The following GABRB2 variants were observed in gnomAD, a reference collection of about 807,000 sequenced individuals.
GABRB2 encodes the protein gamma-aminobutyric acid receptor subunit beta-2.
Under a neutral mutation model 54.7 loss-of-function variants are expected in GABRB2, and 16 were observed. That is an observed-to-expected ratio of 0.29 (90% CI 0.20 to 0.44). GABRB2 has a LOEUF of 0.44. Among genes scored for constraint, GABRB2 ranks in the 20% least tolerant of loss-of-function variants. The pLI, the probability that GABRB2 is intolerant of heterozygous loss-of-function variation, is 1.00. For synonymous variants in GABRB2, 244 were observed against 233.8 expected (o/e 1.04, Z -0.40); for missense variants, 355 against 644.0 (o/e 0.55, Z 4.86).
chr5:161,383,669 C>G (rs1474332500), intron 5 of GABRB2, among the ~76,000 whole-genome samples: 3 of 152,140 alleles, frequency 2.0e-5, no homozygotes, highest in African/African-American at 7.2e-5. Flanking sequence ...AACAGTTGAA[C>G]ATTTCCATCA....
At chr5:161,519,100 A>T (rs1034520472) in intron 3 of GABRB2, among the ~76,000 whole-genome samples, 1 of 152,192 alleles carries the variant, frequency 6.6e-6, no homozygotes, top group Non-Finnish European at 1.5e-5. Flanking sequence ...AGAAAGGTTA[A>T]GTTTCATGTC....
At chr5:161,527,232 G>T (rs2113445803) in intron 3 of GABRB2, among the ~76,000 whole-genome samples, 1 of 151,426 alleles carries the variant, frequency 6.6e-6, no homozygotes, top group South Asian at 2.1e-4. Flanking sequence ...TTTCAAATTA[G>T]TAGTGAAAGG....
At chr5:161,296,246 G>T (rs541475332) in intron 9 of GABRB2, among the ~76,000 whole-genome samples, 1 of 152,178 alleles carries the variant, frequency 6.6e-6, no homozygotes, top group Non-Finnish European at 1.5e-5. Flanking sequence ...ATCCTTTACT[G>T]TTATTTCAAC....
At chr5:161,508,870 G>A (rs746324431) in intron 3 of GABRB2, among the ~76,000 whole-genome samples, 1 of 152,090 alleles carries the variant, frequency 6.6e-6, no homozygotes, top group Non-Finnish European at 1.5e-5. Context: ...GAATCATAAA[G>A]TGTTCTGCTA....
chr5:161,391,898 T>C (rs192047875), intron 5 of GABRB2, among the ~76,000 whole-genome samples: 99 of 152,298 alleles, frequency 6.5e-4, no homozygotes, highest in African/African-American at 2.3e-3. Flanking sequence ...GACTGACTGC[T>C]ATTATGTTCC....
chr5:161,544,191 A>T (rs552252670), intron 3 of GABRB2, among the ~76,000 whole-genome samples: 1 of 152,288 alleles, frequency 6.6e-6, no homozygotes, highest in South Asian at 2.1e-4. Context: ...TATATACTAT[A>T]CCCCTTTATT....
At chr5:161,339,847 AC>A (rs1293426390) in intron 5 of GABRB2, among the ~76,000 whole-genome samples, 1 of 152,026 alleles carries the variant, frequency 6.6e-6, no homozygotes, top group Non-Finnish European at 1.5e-5. Context: ...TAGAGTAAGG[AC>A]TTGATGCCAT....
At chr5:161,381,678 A>G (rs1476034014) in intron 5 of GABRB2, among the ~76,000 whole-genome samples, 1 of 152,164 alleles carries the variant, frequency 6.6e-6, no homozygotes, top group Admixed American at 6.6e-5. Context: ...AAGTAGGGTG[A>G]CACTGTCCAT....
chr5:161,533,889 ATG>A (rs1262156681), intron 3 of GABRB2, among the ~76,000 whole-genome samples: 1 of 152,170 alleles, frequency 6.6e-6, no homozygotes, highest in African/African-American at 2.4e-5. Context: ...AGTGAATGCA[ATG>A]TGTAAGATAT....
intron 5 of GABRB2, among the ~76,000 whole-genome samples, chr5:161,387,885 T>C (rs762322096): frequency 6.6e-6 from 1 of 152,126 alleles, no homozygotes; most frequent in Non-Finnish European, 1.5e-5. Context: ...TCTGGGGATA[T>C]AGTAATATAC....
At chr5:161,297,684 G>T (rs1757422166) in intron 9 of GABRB2, among the ~76,000 whole-genome samples, 1 of 152,020 alleles carries the variant, frequency 6.6e-6, no homozygotes, top group Admixed American at 6.5e-5. Flanking sequence ...GTCTATCATT[G>T]ATTGGCATTT....
At chr5:161,416,159 T>C (rs1580967397) in intron 4 of GABRB2, among the ~76,000 whole-genome samples, 1 of 152,282 alleles carries the variant, frequency 6.6e-6, no homozygotes. Context: ...AGGCAGGTCT[T>C]GAATTCCTGT....
chr5:161,409,705 CAA>C (rs1191503286), intron 5 of GABRB2, among the ~76,000 whole-genome samples: 1 of 152,078 alleles, frequency 6.6e-6, no homozygotes, highest in African/African-American at 2.4e-5. Context: ...CTTACATCAA[CAA>C]TGTGAAATTA....
chr5:161,543,732 TAA>T (rs888601740), intron 3 of GABRB2, among the ~76,000 whole-genome samples: 3 of 152,166 alleles, frequency 2.0e-5, no homozygotes, highest in African/African-American at 7.2e-5. Context: ...TATAAACTGA[TAA>T]AAGACCTTTC....
At chr5:161,440,776 G>A (rs533943938) in intron 4 of GABRB2, among the ~76,000 whole-genome samples, 1 of 152,056 alleles carries the variant, frequency 6.6e-6, no homozygotes, top group Non-Finnish European at 1.5e-5. Flanking sequence ...CAGACACATA[G>A]ACAAATGGAG....
intron 3 of GABRB2, among the ~76,000 whole-genome samples, chr5:161,468,190 A>C (rs1758332648): frequency 6.6e-6 from 1 of 152,080 alleles, no homozygotes; most frequent in African/African-American, 2.4e-5. Context: ...AAAGCAAATC[A>C]TGTCTTTTCC....
At chr5:161,365,649 TGAA>T (rs1170546848) in intron 5 of GABRB2, among the ~76,000 whole-genome samples, 8 of 152,302 alleles carry the variant, frequency 5.3e-5, no homozygotes, top group Non-Finnish European at 7.3e-5. Context: ...GTTTTGCAGA[TGAA>T]GAATTAGAAA....
chr5:161,409,288 C>T (rs113913300), intron 5 of GABRB2, among the ~76,000 whole-genome samples: 12 of 152,038 alleles, frequency 7.9e-5, no homozygotes, highest in African/African-American at 1.7e-4. Context: ...GTTGTAAAGA[C>T]GGAAATATTA....
intron 3 of GABRB2, among the ~76,000 whole-genome samples, chr5:161,519,434 C>T (rs1157663886): frequency 1.3e-5 from 2 of 152,174 alleles, no homozygotes; most frequent in African/African-American, 4.8e-5. Context: ...AAGCTCTCCT[C>T]TAGGTGCCTG....
Sources: gnomAD v4.1 joint callset for allele counts (sites outside exome capture counted in the v4.1 genomes callset) on GRCh38, gnomAD v4.1.1 for gene constraint, MANE v1.5 for transcripts, NCBI Gene and HGNC (gene_info 2026-07-23, HGNC 2026-07-21) for gene names.